The following PRSS48 variants were observed in gnomAD, a reference collection of about 807,000 sequenced individuals.
PRSS48 encodes epidermis-specific serine protease-like protein.
Under a neutral mutation model 25.6 loss-of-function variants are expected in PRSS48, and 21 were observed. The ratio of observed to expected loss-of-function variants is 0.82; its 90% CI spans 0.58 to 1.18. The LOEUF (loss-of-function observed/expected upper bound fraction) is 1.18. Ranked by LOEUF, PRSS48 falls within the 50% of genes most tolerant of loss-of-function variation. The probability of loss-of-function intolerance (pLI) is 0.00; values close to 1 mark genes in which losing one functional copy is unlikely to be tolerated. For synonymous variants in PRSS48, 150 were observed against 149.3 expected (o/e 1.00, Z -0.04); for missense variants, 373 against 399.3 (o/e 0.93, Z 0.56).
At chr4:151,277,483 G>T (rs1773751934) in intron 1 of PRSS48, among the ~76,000 whole-genome samples, 1 of 152,078 alleles carries the variant, frequency 6.6e-6, no homozygotes, top group Admixed American at 6.5e-5. Context: ...AAATTATAAG[G>T]CTTGTTAGAA....
chr4:151,282,788 G>A (rs537528501), intron 3 of PRSS48, among the ~76,000 whole-genome samples: 2 of 152,126 alleles, frequency 1.3e-5, no homozygotes, highest in South Asian at 2.1e-4. Flanking sequence ...GACAAGAACT[G>A]ATCTAGAAGC....
chr4:151,288,784 A>AT (rs894362800), intron 4 of PRSS48, among the ~76,000 whole-genome samples: 2 of 152,236 alleles, frequency 1.3e-5, no homozygotes, highest in African/African-American at 4.8e-5. Context: ...TTTAAAAAGA[A>AT]TAAAATAGGA....
chr4:151,281,099 G>C (rs936068245), intron 2 of PRSS48, among the ~76,000 whole-genome samples: 1 of 148,356 alleles, frequency 6.7e-6, no homozygotes, highest in Admixed American at 6.9e-5. Context: ...AAAGGATAAA[G>C]AAAGTGCCAA....
rs1410848610 is a variant in PRSS48, at chr4:151,282,444, A to G, written c.481+31A>G. The G allele has an allele frequency of 6.8e-6, 11 of 1,610,100 alleles. No individual in the cohort carries two copies. In the African/African-American group the frequency reaches 8.0e-5, roughly 12 times the overall value. The stretch of plus-strand genomic sequence containing the variant: ...AATGGGCAGAGAGAAGGGTTGTTTC[A>G]TATGTCATCCTCTTGTACTCCAGAA... On this transcript the variant is annotated intron_variant, in intron 3 of 4. Transcript: ENST00000455694.
intron 2 of PRSS48, among the ~76,000 whole-genome samples, chr4:151,280,871 C>T (rs1774157378): frequency 6.6e-6 from 1 of 152,024 alleles, no homozygotes; most frequent in Admixed American, 6.6e-5. Context: ...TTATTTCCAA[C>T]TTAGAATTCT....
chr4:151,291,409 G>A lies in PRSS48; in HGVS notation c.943G>A (p.Gly315Ser), dbSNP rs759665136. 7 of 1,613,854 alleles carry A rather than the reference G, an allele frequency of 4.3e-6. No homozygotes were observed. Among genetic ancestry groups the A allele is most frequent in the Admixed American group, 1.7e-5 (1 of 60,008 alleles). ...AGCTGAAGCTGTTGCTTGCATACAG[G>A]GCTGGGAAGAGAATGCATGGAGATT... is the stretch of plus-strand genomic sequence containing the variant. Residue 315 changes from glycine (G) to serine (S), a missense_variant, in exon 5 of 5, where the codon GGC (glycine) becomes AGC (serine). Physicochemically the swap from Gly to Ser is moderately conservative, Grantham distance 56 (BLOSUM62 0). Transcript: ENST00000455694.
At chr4:151,289,918 TAAAC>T (rs1253362960) in intron 4 of PRSS48, among the ~76,000 whole-genome samples, 1 of 152,096 alleles carries the variant, frequency 6.6e-6, no homozygotes, top group Non-Finnish European at 1.5e-5. Context: ...CATCTCTAAA[TAAAC>T]AAAGAAAAAA....
At chr4:151,283,325 G>T in intron 4 of PRSS48, 39 bp downstream of exon 4, 1 of 1,596,508 alleles carries the variant, frequency 6.3e-7, no homozygotes, top group South Asian at 1.1e-5. Context: ...TTAAACATGA[G>T]ATCTTAATTT....
intron 4 of PRSS48, among the ~76,000 whole-genome samples, chr4:151,285,971 A>AT (rs575607365): frequency 6.7e-6 from 1 of 150,364 alleles, no homozygotes; most frequent in East Asian, 2.0e-4. Context: ...AAGGTAGGAG[A>AT]TTTTTTTTCA....
At chr4:151,278,175 C>G (rs951938559) in intron 1 of PRSS48, among the ~76,000 whole-genome samples, 1 of 152,164 alleles carries the variant, frequency 6.6e-6, no homozygotes, top group Non-Finnish European at 1.5e-5. Flanking sequence ...CAACCTCAAC[C>G]GCATCTGAGG....
At chr4:151,287,127 T>C (rs967561236) in intron 4 of PRSS48, among the ~76,000 whole-genome samples, 5 of 151,172 alleles carry the variant, frequency 3.3e-5, no homozygotes, top group African/African-American at 1.2e-4. Flanking sequence ...GATCACCTGA[T>C]GTCAGGAGTT....
intron 4 of PRSS48, among the ~76,000 whole-genome samples, chr4:151,285,370 C>T (rs1774646281): frequency 6.6e-6 from 1 of 151,976 alleles, no homozygotes; most frequent in Non-Finnish European, 1.5e-5. Flanking sequence ...AAACAAGCCT[C>T]AATAAAGTTG....
At chr4:151,285,770 G>C (rs1262365241) in intron 4 of PRSS48, among the ~76,000 whole-genome samples, 1 of 151,948 alleles carries the variant, frequency 6.6e-6, no homozygotes, top group Non-Finnish European at 1.5e-5. Flanking sequence ...AGGAGACTGG[G>C]GCAGGAGGAT....
chr4:151,291,080 C>G, intron 4 of PRSS48, 38 bp from the exon 5 acceptor site: 1 of 1,500,994 alleles, frequency 6.7e-7, no homozygotes, highest in Non-Finnish European at 9.1e-7. Flanking sequence ...CTTTATGCCT[C>G]TTTTCACTAT....
intron 4 of PRSS48, among the ~76,000 whole-genome samples, chr4:151,286,030 TAA>T (rs771668211): frequency 3.0e-4 from 38 of 128,740 alleles, no homozygotes; most frequent in Admixed American, 4.7e-4. Flanking sequence ...ACCCTATCTC[TAA>T]AAAAAAAAAA....
At chr4:151,286,030 T>TAAA (rs771668211) in intron 4 of PRSS48, among the ~76,000 whole-genome samples, 1 of 128,834 alleles carries the variant, frequency 7.8e-6, no homozygotes, top group Non-Finnish European at 1.7e-5. Context: ...ACCCTATCTC[T>TAAA]AAAAAAAAAA....
intron 2 of PRSS48, among the ~76,000 whole-genome samples, 171 bp downstream of exon 2, chr4:151,280,129 G>A (rs1774070003): frequency 1.5e-5 from 1 of 66,614 alleles, no homozygotes; most frequent in South Asian, 5.9e-4. Flanking sequence ...CATAGAAGTA[G>A]AAAAAGGAAA....
intron 4 of PRSS48, among the ~76,000 whole-genome samples, chr4:151,284,175 AT>A (rs997938615): frequency 6.6e-6 from 1 of 152,122 alleles, no homozygotes; most frequent in Non-Finnish European, 1.5e-5. Flanking sequence ...ATTCTGCCTC[AT>A]TTCTCTCTCC....
intron 3 of PRSS48, 129 bp downstream of exon 3, chr4:151,282,542 T>C (rs1774353104): frequency 3.4e-6 from 3 of 885,196 alleles, no homozygotes; most frequent in African/African-American, 1.7e-5. Flanking sequence ...AATGATATTA[T>C]CTATAAGTTT....
Sources: allele counts gnomAD v4.1 joint callset (sites outside exome capture counted in the v4.1 genomes callset), GRCh38; gene constraint gnomAD v4.1.1; transcripts MANE v1.5; gene names NCBI Gene and HGNC (gene_info 2026-07-23, HGNC 2026-07-21).